DTNA: variants seen among roughly 807,000 people sequenced by gnomAD.
DTNA encodes dystrobrevin alpha.
DTNA carries 43 observed loss-of-function variants against 100.7 expected under a neutral mutation model. That is an observed-to-expected ratio of 0.43 (90% CI 0.33 to 0.55). DTNA has a LOEUF of 0.55. DTNA is among the 20% of genes least tolerant of loss of function. The pLI, the probability that DTNA is intolerant of heterozygous loss-of-function variation, is 0.04. For missense variants in DTNA, 798 were observed against 953.9 expected, an observed-to-expected ratio of 0.84 and a Z score of 2.15; for synonymous variants, 349 against 347.9, an observed-to-expected ratio of 1.00 and a Z score of -0.04.
intron 20 of DTNA, among the ~76,000 whole-genome samples, chr18:34,880,802 G>A (rs192937404): frequency 3.6e-4 from 55 of 152,278 alleles, no homozygotes; most frequent in South Asian, 2.1e-4. Context: ...ATGGCAGTAC[G>A]CTGCTGCTTA....
At chr18:34,609,200 C>T (rs72951286) in intron 1 of DTNA, among the ~76,000 whole-genome samples, 14 of 151,288 alleles carry the variant, frequency 9.3e-5, no homozygotes, top group Non-Finnish European at 1.8e-4. Context: ...ACAAGATAAA[C>T]TATATAATCT....
At chr18:34,870,764 C>T (rs967472994) in intron 17 of DTNA, among the ~76,000 whole-genome samples, 2 of 152,042 alleles carry the variant, frequency 1.3e-5, no homozygotes, top group South Asian at 2.1e-4. Flanking sequence ...GTCACATTTC[C>T]CATGCCTTGC....
intron 1 of DTNA, among the ~76,000 whole-genome samples, chr18:34,668,061 T>G (rs1376876300): frequency 2.0e-5 from 3 of 152,126 alleles, no homozygotes; most frequent in African/African-American, 7.2e-5. Flanking sequence ...GTCCTGGACT[T>G]TTTTTGGTTG....
chr18:34,530,957 G>A (rs554533743), intron 1 of DTNA, among the ~76,000 whole-genome samples: 2 of 152,166 alleles, frequency 1.3e-5, no homozygotes, highest in Admixed American at 6.5e-5. Flanking sequence ...TCTCCACCCA[G>A]TTACAAGCTA....
In DTNA at chr18:34,821,547, GT is replaced by G. The variant is rs2149457872; in HGVS notation, c.1001+635del. The G allele has an allele frequency of 6.6e-6, 3 of 456,268 alleles. No homozygotes were observed. The Admixed American group carries it at 7.0e-5, about 11-fold the overall frequency. 28.3% of individuals were successfully genotyped at this position (456,268 alleles called of 1,614,324 possible). A position where few individuals can be genotyped will look rare whatever the true frequency, so the allele number is the denominator to read the frequency against. ...CAGCCATCCCTGCTACCTCCCAGAAGTTTCATGCCTTTGAACCTCTCTCAGG... is the reference window on the plus strand; with the variant it reads ...CAGCCATCCCTGCTACCTCCCAGAAGTTCATGCCTTTGAACCTCTCTCAGG... On this transcript the variant is annotated intron_variant, in intron 9 of 22. Transcript: ENST00000444659.
intron 1 of DTNA, among the ~76,000 whole-genome samples, chr18:34,742,452 G>A (rs965799357): frequency 2.0e-5 from 3 of 151,912 alleles, no homozygotes; most frequent in Admixed American, 6.6e-5. Context: ...CTCCATCTTC[G>A]AATCCTCTCT....
At chr18:34,557,107 T>C (rs2046141848) in intron 1 of DTNA, among the ~76,000 whole-genome samples, 1 of 150,886 alleles carries the variant, frequency 6.6e-6, no homozygotes, top group Non-Finnish European at 1.5e-5. Flanking sequence ...TCTCGCTTCA[T>C]TTCATTCATT....
chr18:34,734,498 C>T (rs1479809355), intron 1 of DTNA, among the ~76,000 whole-genome samples: 1 of 152,146 alleles, frequency 6.6e-6, no homozygotes, highest in Non-Finnish European at 1.5e-5. Flanking sequence ...GTGCATGCAT[C>T]TTTCATTGCA....
intron 1 of DTNA, among the ~76,000 whole-genome samples, chr18:34,740,196 G>C (rs753191061): frequency 6.6e-6 from 1 of 152,058 alleles, no homozygotes; most frequent in Non-Finnish European, 1.5e-5. Flanking sequence ...TCATTTCCAG[G>C]TAGTAGTTTA....
At chr18:34,724,945 A>G (rs2086256601) in intron 1 of DTNA, among the ~76,000 whole-genome samples, 1 of 152,214 alleles carries the variant, frequency 6.6e-6, no homozygotes, top group Admixed American at 6.5e-5. Flanking sequence ...AATACCACAC[A>G]TCTACAACCA....
At chr18:34,535,309 A>T (rs149932959) in intron 1 of DTNA, among the ~76,000 whole-genome samples, 2 of 151,916 alleles carry the variant, frequency 1.3e-5, no homozygotes, top group African/African-American at 4.8e-5. Context: ...GTGTCTGTTC[A>T]TATTGTTTGC....
At chr18:34,598,815 G>A (rs2051177503) in intron 1 of DTNA, among the ~76,000 whole-genome samples, 2 of 152,112 alleles carry the variant, frequency 1.3e-5, no homozygotes, top group East Asian at 3.9e-4. Flanking sequence ...GCAGTGAGCC[G>A]AGATCGCGCC....
intron 1 of DTNA, among the ~76,000 whole-genome samples, chr18:34,687,052 G>T (rs998612228): frequency 6.6e-6 from 1 of 151,602 alleles, no homozygotes; most frequent in Non-Finnish European, 1.5e-5. Flanking sequence ...TATTAGTCTG[G>T]TAGCCATCTA....
chr18:34,638,257 G>T (rs1015901034), intron 1 of DTNA, among the ~76,000 whole-genome samples: 1 of 152,070 alleles, frequency 6.6e-6, no homozygotes, highest in Non-Finnish European at 1.5e-5. Context: ...GTCACTAATG[G>T]TTAATATTTA....
intron 17 of DTNA, chr18:34,867,459 C>T: frequency 8.2e-7 from 1 of 1,222,444 alleles, no homozygotes; most frequent in Non-Finnish European, 1.0e-6. Flanking sequence ...TGAATGCATA[C>T]ATGGGGTATT....
intron 1 of DTNA, among the ~76,000 whole-genome samples, chr18:34,636,417 TG>T (rs1180574581): frequency 1.3e-5 from 2 of 152,202 alleles, no homozygotes; most frequent in East Asian, 3.9e-4. Context: ...CCCACAGTGC[TG>T]GGCTGAAAAT....
At chr18:34,715,932 A>G (rs981766800) in intron 1 of DTNA, among the ~76,000 whole-genome samples, 1 of 152,146 alleles carries the variant, frequency 6.6e-6, no homozygotes, top group African/African-American at 2.4e-5. Context: ...ATTAGCAACT[A>G]TTTTTTAAAG....
At chr18:34,677,545 A>G (rs1358643731) in intron 1 of DTNA, among the ~76,000 whole-genome samples, 2 of 152,304 alleles carry the variant, frequency 1.3e-5, no homozygotes, top group East Asian at 3.9e-4. Context: ...GCCTAAGGTG[A>G]AAATATAATA....
chr18:34,597,317 T>C (rs1403429291), intron 1 of DTNA, among the ~76,000 whole-genome samples: 1 of 152,210 alleles, frequency 6.6e-6, no homozygotes, highest in Non-Finnish European at 1.5e-5. Flanking sequence ...TGGTTTCTCT[T>C]GGCCTATATC....
Sources: gnomAD v4.1 joint callset for allele counts (sites outside exome capture counted in the v4.1 genomes callset) on GRCh38, gnomAD v4.1.1 for gene constraint, MANE v1.5 for transcripts, NCBI Gene and HGNC (gene_info 2026-07-23, HGNC 2026-07-21) for gene names.